IDH3B: variants seen among roughly 807,000 people sequenced by gnomAD.
IDH3B encodes isocitrate dehydrogenase (NAD(+)) 3 non-catalytic subunit beta, also known as isocitrate dehydrogenase [NAD] subunit beta, mitochondrial.
In IDH3B, 40 loss-of-function variants were observed where a neutral mutation model predicts 47.5. That is an observed-to-expected ratio of 0.84 (90% CI 0.65 to 1.10). The LOEUF (loss-of-function observed/expected upper bound fraction) is 1.10, where lower values mean the gene tolerates loss of function less well. IDH3B is among the 50% of genes least tolerant of loss of function. IDH3B has a pLI of 0.00. For missense variants in IDH3B, 450 were observed against 505.2 expected (o/e 0.89, Z 1.05); for synonymous variants, 185 against 191.0 (o/e 0.97, Z 0.26).
Position 2,660,336 on chromosome 20 carries a change from C to T in IDH3B, c.695G>A (p.Cys232Tyr), listed in dbSNP as rs1170355738. 1.2e-6 allele frequency: 2 copies of T among 1,614,150 alleles called. No homozygotes were observed. The highest frequency in any genetic ancestry group is 8.5e-7 in the Non-Finnish European group (1 of 1,180,024). Reference sequence around the variant, plus strand: ...GTACAGTTCAGCAACTTCCTCACAGCACTGCAGGAACAACCCATCCCCAAG... The same window carrying T: ...GTACAGTTCAGCAACTTCCTCACAGTACTGCAGGAACAACCCATCCCCAAG... Reference protein sequence around the residue: ...MKLGDGLFLQCCEEVAELYPK... With the variant: ...MKLGDGLFLQYCEEVAELYPK... The change falls in exon 8 of 12, where the codon TGC (cysteine) becomes TAC (tyrosine). Residue 232 changes from cysteine to tyrosine, a missense_variant. Transcript: ENST00000380843. The surrounding 1 kb of genome is among the most constrained non-coding windows in gnomAD (Gnocchi z 5.6).
chr20:2,659,998 A>C, intron 9 of IDH3B, 32 bp downstream of exon 9: 3 of 1,613,902 alleles, frequency 1.9e-6, no homozygotes, highest in Non-Finnish European at 2.5e-6. Context: ...ACTTGAGGTC[A>C]GAGGAAGGGC....
intron 4 of IDH3B, among the ~76,000 whole-genome samples, chr20:2,663,140 A>C (rs2086978417): frequency 7.0e-6 from 1 of 143,294 alleles, no homozygotes; most frequent in South Asian, 2.1e-4. Flanking sequence ...GAAGGAAGGG[A>C]GGGGAAAAAA....
rs2087005509 is a variant in IDH3B, at chr20:2,664,148, C to T, written c.36+5G>A. 2 of 1,613,248 alleles carry T rather than the reference C, an allele frequency of 1.2e-6. No individual in the cohort carries two copies. Among genetic ancestry groups the T allele is most frequent in the Non-Finnish European group, 1.7e-6 (2 of 1,179,792 alleles). ...GCCCCTGCCCGACATGTCCCGGGGC[C>T]TCACTCGGGTCAGCCAGCGGACTCC... On this transcript the variant is annotated splice_donor_5th_base_variant and intron_variant, in intron 1 of 11. Transcript: ENST00000380843.
In IDH3B at chr20:2,660,318, TCAG is replaced by T. The variant is rs1169549277; in HGVS notation, c.710_712del (p.Ala237del). 8.7e-6 allele frequency: 14 copies of T among 1,613,986 alleles called. No individual in the cohort carries two copies. The highest frequency in any genetic ancestry group is 1.1e-5 in the Non-Finnish European group (13 of 1,180,012). On this transcript the variant is annotated inframe_deletion, in exon 8 of 12. Coordinates refer to ENST00000380843, the MANE Select transcript of IDH3B (RefSeq NM_006899.5). The surrounding 1 kb of genome is among the most constrained non-coding windows in gnomAD (Gnocchi z 5.6). ...CTCAAATTTGATTTTGGGGTACAGT[TCAG>T]CAACTTCCTCACAGCACTGCAGGAA...
chr20:2,663,307 AG>A, intron 4 of IDH3B, 138 bp downstream of exon 4: 1 of 1,070,014 alleles, frequency 9.3e-7, no homozygotes, highest in Non-Finnish European at 1.4e-6. Flanking sequence ...CCCAATGGGA[AG>A]GAACAAATGT....
In IDH3B at chr20:2,660,996, T is replaced by C. The variant is rs1443545655; in HGVS notation, c.338-27A>G. On this transcript the variant is annotated intron_variant, in intron 4 of 11. Transcript: ENST00000380843. The surrounding 1 kb of genome is among the most constrained non-coding windows in gnomAD (Gnocchi z 5.6). ...TGTGAAAACAAAGTGGGAAAAGGAG[T>C]GTCAGCCACAGGCCAAGCCCAAGGG... The C allele has an allele frequency of 6.8e-6, 11 of 1,610,070 alleles. No homozygotes were observed. Among genetic ancestry groups the C allele is most frequent in the African/African-American group, 6.7e-5 (5 of 74,724 alleles).
chr20:2,661,728 GAC>G (rs1490327684), intron 4 of IDH3B, among the ~76,000 whole-genome samples: 2 of 152,270 alleles, frequency 1.3e-5, no homozygotes, highest in Middle Eastern at 3.4e-3. Flanking sequence ...CACTGGGAAA[GAC>G]AGAAAATATG....
rs1401491503 is a variant in IDH3B at position 2,663,528 on chromosome 20, C to A, written c.255G>T (p.Leu85=). The A allele has an allele frequency of 6.2e-7, 1 of 1,614,120 alleles. No individual in the cohort carries two copies. The highest frequency in any genetic ancestry group is 1.7e-5 in the Admixed American group (1 of 60,018). ...AVPVEFQEHH[L]SEVQNMASEE... is the part of the protein sequence containing the mutation. ...CAGATGCCATATTCTGCACCTCACTCAGGTGGTGCTCCTGGAACTCCACTG... is the reference window on the plus strand; with the variant it reads ...CAGATGCCATATTCTGCACCTCACTAAGGTGGTGCTCCTGGAACTCCACTG... Residue 85 remains leucine (L), a synonymous_variant, in exon 4 of 12, where the codon CTG becomes CTT. Coordinates refer to ENST00000380843, the MANE Select transcript of IDH3B (RefSeq NM_006899.5).
intron 11 of IDH3B, chr20:2,659,216 G>C: frequency 6.9e-7 from 1 of 1,439,306 alleles, no homozygotes; most frequent in Non-Finnish European, 9.1e-7. Context: ...TGTATCCCTT[G>C]CTGTTCCACC....
In IDH3B at chr20:2,663,482, G is replaced by A; in HGVS notation, c.301C>T (p.Leu101=). Residue 101 remains leucine, a synonymous_variant, in exon 4 of 12, where the codon CTG becomes TTG. Transcript: ENST00000380843. ...ACTTTGTTCTCCTTCATGGAACTCA[G>A]CACCTGCTCCAGCTTCTCCTCAGAT... The part of the protein sequence containing the change: ...MASEEKLEQV[L]SSMKENKVAI... The A allele has an allele frequency of 1.2e-6, 2 of 1,614,216 alleles. No individual in the cohort carries two copies. The highest frequency in any genetic ancestry group is 1.7e-5 in the Admixed American group (1 of 60,032).
intron 11 of IDH3B, chr20:2,659,156 C>A: frequency 1.4e-6 from 2 of 1,434,210 alleles, no homozygotes; most frequent in Non-Finnish European, 1.8e-6. Flanking sequence ...GAAAGAATCA[C>A]AGCGAAAAGG....
In IDH3B at chr20:2,663,578, G is replaced by A; in HGVS notation, c.217-12C>T. The A allele has an allele frequency of 6.2e-7, 1 of 1,614,174 alleles. No individual in the cohort carries two copies. The stretch of plus-strand genomic sequence containing the variant: ...GGGACAGCGGCAGCCTTCAGAGACA[G>A]GTTCCCAAAACATCACAGTCAAGGC... On this transcript the variant is annotated splice_polypyrimidine_tract_variant and intron_variant, in intron 3 of 11. Coordinates refer to ENST00000380843, the MANE Select transcript of IDH3B (RefSeq NM_006899.5).
chr20:2,658,944 A>G (rs1307764482), intron 11 of IDH3B, 107 bp from the exon 12 acceptor site: 4 of 1,557,128 alleles, frequency 2.6e-6, no homozygotes, highest in African/African-American at 1.4e-5. Flanking sequence ...CGTGACAGCC[A>G]GAAAAAAGGC....
In IDH3B at chr20:2,660,682, T is replaced by C; in HGVS notation, c.531+15A>G. 1.2e-6 allele frequency: 2 copies of C among 1,614,138 alleles called. No individual in the cohort carries two copies. Among genetic ancestry groups the C allele is most frequent in the South Asian group, 1.1e-5 (1 of 91,078 alleles). On this transcript the variant is annotated intron_variant, in intron 6 of 11. Coordinates refer to ENST00000380843, the MANE Select transcript of IDH3B (RefSeq NM_006899.5). This position sits in a 1 kb window ranked among gnomAD's most constrained non-coding sequence, Gnocchi z 5.6. ...CATCTTCATCCTTGCCCTCCCCCAG[T>C]TTCTGGGGCCTCACCTCATGTTCCA...
rs764873315 is a variant in IDH3B, at chr20:2,658,764, G to C, written c.1145C>G (p.Thr382Ser). ...AAATAAAGGGCTCTAGCTCCCTTTA[G>C]TCTGCAGGTGACCGATGACAGACTT... Reference protein sequence around the residue: ...FIKSVIGHLQTKGS With the variant: ...FIKSVIGHLQSKGS The change falls in exon 12 of 12, where the codon ACT becomes AGT. Residue 382 changes from threonine to serine, a missense_variant. Transcript: ENST00000380843. 25 of 1,614,066 alleles carry C rather than the reference G, an allele frequency of 1.5e-5. No homozygotes were observed. The Middle Eastern group carries it at 4.9e-4, about 32-fold the overall frequency.
At chr20:2,664,052 A>G (rs769305203) in intron 1 of IDH3B, 47 bp from the exon 2 acceptor site, 1 of 1,611,496 alleles carries the variant, frequency 6.2e-7, no homozygotes, top group Non-Finnish European at 8.5e-7. Context: ...TGAGACATCC[A>G]GACCCCGAAC....
At chr20:2,662,171 A>G (rs1249617722) in intron 4 of IDH3B, among the ~76,000 whole-genome samples, 2 of 152,226 alleles carry the variant, frequency 1.3e-5, no homozygotes, top group East Asian at 3.8e-4. Context: ...ATAAGCCACC[A>G]GGTTCATGGT....
chr20:2,658,421 T>C lies in IDH3B; in HGVS notation c.*330A>G. On this transcript the variant is annotated 3_prime_UTR_variant, in exon 12 of 12. Transcript: ENST00000380843. ...TGGTTCATGTTCTTTATTGAACACC[T>C]TACATGGGTATGGACAGGGCCTATG... is the stretch of plus-strand genomic sequence containing the variant. 6.2e-7 allele frequency: 1 copy of C among 1,613,786 alleles called. No homozygotes were observed. The highest frequency in any genetic ancestry group is 1.7e-5 in the Admixed American group (1 of 59,988).
chr20:2,663,009 C>T (rs970171304), intron 4 of IDH3B, among the ~76,000 whole-genome samples: 2 of 149,246 alleles, frequency 1.3e-5, no homozygotes, highest in African/African-American at 5.0e-5. Flanking sequence ...CACCTGTAGT[C>T]GCAGCTACTC....
Sources: gnomAD v4.1 joint callset for allele counts (sites outside exome capture counted in the v4.1 genomes callset) on GRCh38, gnomAD v4.1.1 for gene constraint, Gnocchi (gnomAD v3.1) non-coding constraint, MANE v1.5 for transcripts, NCBI Gene and HGNC (gene_info 2026-07-23, HGNC 2026-07-21) for gene names.